The following BIRC6 variants were observed in gnomAD, a reference collection of about 807,000 sequenced individuals.
The protein encoded by BIRC6 is dual E2 ubiquitin-conjugating enzyme/E3 ubiquitin-protein ligase BIRC6.
A neutral mutation model predicts 503.3 loss-of-function variants in BIRC6; 98 were observed. The ratio of observed to expected loss-of-function variants is 0.19; its 90% CI spans 0.17 to 0.23. The LOEUF (loss-of-function observed/expected upper bound fraction) is 0.23, where lower values mean the gene tolerates loss of function less well. Among genes scored for constraint, BIRC6 ranks in the 10% least tolerant of loss-of-function variants. The pLI is 1.00. For missense variants in BIRC6, 5,360 were observed against 5,806.0 expected, an observed-to-expected ratio of 0.92 and a Z score of 2.50; for synonymous variants, 2,240 against 2,078.7, an observed-to-expected ratio of 1.08 and a Z score of -2.11.
chr2:32,613,707 T>C (rs1158991275), intron 73 of BIRC6, among the ~76,000 whole-genome samples: 1 of 152,216 alleles, frequency 6.6e-6, no homozygotes, highest in Non-Finnish European at 1.5e-5. Flanking sequence ...ACCCTCTGCG[T>C]CTACCTGTTA....
chr2:32,615,149 A>G (rs1307516601), intron 73 of BIRC6, among the ~76,000 whole-genome samples: 1 of 152,162 alleles, frequency 6.6e-6, no homozygotes, highest in Non-Finnish European at 1.5e-5. Flanking sequence ...TCACTATCTC[A>G]GGACAGCACC....
intron 48 of BIRC6, 24 bp downstream of exon 48, chr2:32,502,915 T>A (rs894449173): frequency 6.4e-7 from 1 of 1,565,508 alleles, no homozygotes; most frequent in African/African-American, 1.4e-5. Flanking sequence ...TCAATAACTA[T>A]CATTTAAGTG....
intron 3 of BIRC6, among the ~76,000 whole-genome samples, chr2:32,382,629 T>G (rs879188940): frequency 2.0e-5 from 3 of 152,232 alleles, no homozygotes; most frequent in African/African-American, 7.2e-5. Flanking sequence ...ACAGTTTAAT[T>G]AACTGCACAG....
At position 32,510,768 on chromosome 2, in the gene BIRC6, C is replaced by T. The variant is rs1326576340; in HGVS notation, c.10346+134C>T. 6 of 605,400 alleles carry T rather than the reference C, an allele frequency of 9.9e-6. No individual in the cohort carries two copies. In the East Asian group the frequency reaches 1.6e-4, roughly 17 times the overall value. 37.5% of individuals were successfully genotyped at this position (605,400 alleles called of 1,614,324 possible). On this transcript the variant is annotated intron_variant, in intron 53 of 73. Transcript: ENST00000421745. ...GATATATTGTATGTTTACCATATGC[C>T]TCACACGATGTAACTTCTGCAAGTA...
At chr2:32,498,382 C>T (rs1459832646) in intron 45 of BIRC6, among the ~76,000 whole-genome samples, 1 of 152,052 alleles carries the variant, frequency 6.6e-6, no homozygotes, top group African/African-American at 2.4e-5. Flanking sequence ...ATTAGTTGTC[C>T]TAGTTTTACA....
chr2:32,420,126 G>A (rs2042780150), intron 10 of BIRC6, among the ~76,000 whole-genome samples: 1 of 152,086 alleles, frequency 6.6e-6, no homozygotes, highest in South Asian at 2.1e-4. Flanking sequence ...TTTGCATATC[G>A]TTCATCAGGG....
chr2:32,454,411 C>T (rs1306498499), intron 23 of BIRC6, among the ~76,000 whole-genome samples: 1 of 152,006 alleles, frequency 6.6e-6, no homozygotes, highest in East Asian at 1.9e-4. Flanking sequence ...TAAATACCTT[C>T]ACTTAAAAAT....
chr2:32,495,223 G>T (rs1186186185), intron 45 of BIRC6, among the ~76,000 whole-genome samples: 1 of 152,086 alleles, frequency 6.6e-6, no homozygotes, highest in African/African-American at 2.4e-5. Context: ...TATTAATCTT[G>T]TTTGTAGTTT....
At chr2:32,495,790 GTTTTTTTTTTT>G (rs11464835) in intron 45 of BIRC6, among the ~76,000 whole-genome samples, 3 of 84,806 alleles carry the variant, frequency 3.5e-5, no homozygotes, top group African/African-American at 1.4e-4. Context: ...TCAGGATGAA[GTTTTTTTTTTT>G]TTTTTTTTTT....
intron 3 of BIRC6, among the ~76,000 whole-genome samples, chr2:32,382,248 C>A (rs545594935): frequency 6.6e-6 from 1 of 152,130 alleles, no homozygotes; most frequent in Non-Finnish European, 1.5e-5. Context: ...GGAGCTTGGA[C>A]GAGGGCGTTG....
intron 65 of BIRC6, among the ~76,000 whole-genome samples, chr2:32,550,332 A>G (rs2058342130): frequency 6.6e-6 from 1 of 152,150 alleles, no homozygotes. Flanking sequence ...TAAAAATATT[A>G]GTATTTCAAG....
intron 29 of BIRC6, 147 bp from the exon 30 acceptor site, chr2:32,469,248 A>T: frequency 1.5e-6 from 1 of 648,850 alleles, no homozygotes; most frequent in Non-Finnish European, 2.5e-6. Flanking sequence ...AGATTTCTAC[A>T]TACAAGGAGT....
Position 32,602,995 on chromosome 2 carries a change from T to TC in BIRC6, c.13993-10dup. ...TTTTTCAATTCTGTTTATGCTTTTT[T>TC]CGTTCGTCAGGTTTGTTTAAGCATC... On this transcript the variant is annotated splice_polypyrimidine_tract_variant and intron_variant, in intron 70 of 73. Transcript: ENST00000421745. The TC allele has an allele frequency of 6.2e-7, 1 of 1,600,386 alleles. No homozygotes were observed. The highest frequency in any genetic ancestry group is 8.5e-7 in the Non-Finnish European group (1 of 1,176,148).
At position 32,478,864 on chromosome 2, in the gene BIRC6, C is replaced by T. The variant is rs1222031730; in HGVS notation, c.7252+46C>T. 3 of 1,563,048 alleles carry T rather than the reference C, an allele frequency of 1.9e-6. No homozygotes were observed. The South Asian group carries it at 3.4e-5, about 18-fold the overall frequency. On this transcript the variant is annotated intron_variant, in intron 36 of 73. Coordinates refer to ENST00000421745, the MANE Select transcript of BIRC6 (RefSeq NM_016252.4). ...ATAGAGTATGTCAAAATTACCTTGT[C>T]ATTGCTCAACTAAGAATCTTCAAAG... is the stretch of plus-strand genomic sequence containing the variant.
At chr2:32,373,683 C>G (rs1356868603) in intron 1 of BIRC6, among the ~76,000 whole-genome samples, 1 of 152,068 alleles carries the variant, frequency 6.6e-6, no homozygotes, top group East Asian at 1.9e-4. Flanking sequence ...GTGGAGTTTC[C>G]TCAGAAAATT....
chr2:32,509,341 G>A (rs1373011915), intron 51 of BIRC6, among the ~76,000 whole-genome samples: 1 of 152,040 alleles, frequency 6.6e-6, no homozygotes, highest in Non-Finnish European at 1.5e-5. Flanking sequence ...TGCAACTTCT[G>A]CCTCCCGAGT....
At chr2:32,474,798 T>A (rs1023557913) in intron 33 of BIRC6, among the ~76,000 whole-genome samples, 3 of 152,196 alleles carry the variant, frequency 2.0e-5, no homozygotes, top group Non-Finnish European at 2.9e-5. Context: ...AAATACTGAT[T>A]TGTAGAAATT....
intron 3 of BIRC6, among the ~76,000 whole-genome samples, chr2:32,388,539 T>C (rs1029198782): frequency 6.6e-6 from 1 of 152,210 alleles, no homozygotes; most frequent in African/African-American, 2.4e-5. Flanking sequence ...CAGTCACCCA[T>C]TGATGGATAC....
chr2:32,395,478 C>T (rs547026178), intron 5 of BIRC6, 33 bp from the exon 6 acceptor site: 329 of 1,458,564 alleles, frequency 2.3e-4, no homozygotes, highest in Non-Finnish European at 2.8e-4. Context: ...TAATGATTTA[C>T]CTTTTCTGTC....
Sources: allele counts gnomAD v4.1 joint callset (sites outside exome capture counted in the v4.1 genomes callset), GRCh38; gene constraint gnomAD v4.1.1; transcripts MANE v1.5; gene names NCBI Gene and HGNC (gene_info 2026-07-23, HGNC 2026-07-21).